CTNNA3: variants seen among roughly 807,000 people sequenced by gnomAD.
CTNNA3 encodes the protein catenin alpha 3.
A neutral mutation model predicts 95.7 loss-of-function variants in CTNNA3; 76 were observed. That is an observed-to-expected ratio of 0.79 (90% CI 0.66 to 0.96). CTNNA3 has a LOEUF of 0.96. CTNNA3 is among the 40% of genes least tolerant of loss of function. CTNNA3 has a pLI of 0.00. For missense variants in CTNNA3, 1,191 were observed against 1,089.8 expected (o/e 1.09, Z -1.31); for synonymous variants, 431 against 374.4 (o/e 1.15, Z -1.74).
intron 7 of CTNNA3, among the ~76,000 whole-genome samples, chr10:67,074,766 T>C (rs139446182): frequency 6.6e-6 from 1 of 150,468 alleles, no homozygotes; most frequent in Admixed American, 6.6e-5. Flanking sequence ...TAAAGACATG[T>C]ATATAAAACC....
At chr10:67,048,526 C>G (rs1165446440) in intron 7 of CTNNA3, among the ~76,000 whole-genome samples, 1 of 151,982 alleles carries the variant, frequency 6.6e-6, no homozygotes, top group Non-Finnish European at 1.5e-5. Flanking sequence ...TAATATACTG[C>G]AAGTTACTAA....
chr10:66,385,091 C>T (rs191655919), intron 11 of CTNNA3, among the ~76,000 whole-genome samples: 359 of 152,226 alleles, frequency 2.4e-3, no homozygotes, highest in African/African-American at 8.3e-3. Flanking sequence ...TAACTAAGAT[C>T]AGAGCAGACC....
chr10:65,982,820 T>C (rs1564557161), intron 16 of CTNNA3, among the ~76,000 whole-genome samples: 1 of 151,348 alleles, frequency 6.6e-6, no homozygotes, highest in Admixed American at 6.6e-5. Flanking sequence ...GTAATACCTT[T>C]AAAATACGCA....
chr10:67,341,442 C>A (rs774104663), intron 5 of CTNNA3, among the ~76,000 whole-genome samples: 1 of 152,126 alleles, frequency 6.6e-6, no homozygotes, highest in Non-Finnish European at 1.5e-5. Context: ...TGAGAACATG[C>A]AATGTTTGTC....
At chr10:66,880,767 T>C (rs1000762763) in intron 7 of CTNNA3, among the ~76,000 whole-genome samples, 6 of 152,128 alleles carry the variant, frequency 3.9e-5, no homozygotes, top group African/African-American at 1.4e-4. Flanking sequence ...ATTCAGAATT[T>C]CTTTTGCTCA....
chr10:67,092,936 T>C (rs929974057), intron 7 of CTNNA3, among the ~76,000 whole-genome samples: 1 of 151,964 alleles, frequency 6.6e-6, no homozygotes, highest in African/African-American at 2.4e-5. Context: ...CAATAGCATA[T>C]AACGATTTTC....
chr10:67,671,590 A>G (rs1207272925), intron 1 of CTNNA3, among the ~76,000 whole-genome samples: 2 of 150,254 alleles, frequency 1.3e-5, no homozygotes, highest in Non-Finnish European at 2.9e-5. Context: ...ATTCCCACCT[A>G]TGAGTGAGAA....
intron 7 of CTNNA3, among the ~76,000 whole-genome samples, chr10:66,934,983 C>G (rs904508693): frequency 1.3e-5 from 2 of 152,028 alleles, no homozygotes; most frequent in Non-Finnish European, 2.9e-5. Context: ...GACAGTGAAG[C>G]TACAGTATCA....
At chr10:67,473,724 A>C (rs921246508) in intron 5 of CTNNA3, among the ~76,000 whole-genome samples, 2 of 152,212 alleles carry the variant, frequency 1.3e-5, no homozygotes, top group Admixed American at 6.5e-5. Flanking sequence ...AACAATTAAA[A>C]ATAATGCAAA....
chr10:67,703,792 A>G (rs537606319), intron 1 of CTNNA3, among the ~76,000 whole-genome samples: 1 of 152,314 alleles, frequency 6.6e-6, no homozygotes, highest in African/African-American at 2.4e-5. Context: ...CAGGCAGGAG[A>G]AGGAAATAAA....
chr10:66,293,779 C>A (rs570221354), intron 12 of CTNNA3, among the ~76,000 whole-genome samples: 2 of 151,396 alleles, frequency 1.3e-5, no homozygotes, highest in Non-Finnish European at 2.9e-5. Context: ...AATTCTCCTG[C>A]GTCAGCCTCC....
intron 9 of CTNNA3, among the ~76,000 whole-genome samples, chr10:66,736,939 C>G (rs1046398633): frequency 1.3e-5 from 2 of 152,086 alleles, no homozygotes; most frequent in African/African-American, 4.8e-5. Context: ...TAAACTTAAT[C>G]TGAATATTTG....
intron 5 of CTNNA3, among the ~76,000 whole-genome samples, chr10:67,237,173 T>TATATATAC (rs1554810783): frequency 2.3e-4 from 26 of 112,806 alleles, no homozygotes; most frequent in Non-Finnish European, 3.8e-4. Context: ...TATATATATA[T>TATATATAC]ACACACACAA....
chr10:67,475,160 CCACA>C (rs1048908696), intron 5 of CTNNA3, among the ~76,000 whole-genome samples: 14 of 152,100 alleles, frequency 9.2e-5, no homozygotes, highest in African/African-American at 3.4e-4. Flanking sequence ...GTGAAAGAAG[CCACA>C]CACAAACAGC....
intron 7 of CTNNA3, among the ~76,000 whole-genome samples, chr10:66,943,522 T>G (rs1848128427): frequency 6.7e-6 from 1 of 148,476 alleles, no homozygotes; most frequent in Non-Finnish European, 1.5e-5. Flanking sequence ...CCCCACCCTT[T>G]TTTTTTTTTT....
chr10:67,620,919 G>GTATA (rs1488628629), intron 2 of CTNNA3, among the ~76,000 whole-genome samples: 40 of 100,130 alleles, frequency 4.0e-4, no homozygotes, highest in African/African-American at 1.7e-3. Flanking sequence ...GTGTGTGTGT[G>GTATA]TGTGTATATA....
Position 67,065,026 on chromosome 10 carries a change from A to G in CTNNA3, c.1047+115291T>C, listed in dbSNP as rs138715188. 5.1e-3 allele frequency among the ~76,000 whole-genome samples: 775 copies of G among 152,268 alleles called. 5 individuals carry two copies. Among genetic ancestry groups the G allele is most frequent in the African/African-American group, 0.018 (733 of 41,546 alleles). On this transcript the variant is annotated intron_variant, in intron 7 of 17. Transcript: ENST00000433211. ...CAGCTTCCATATACCACCAACACTT[A>G]TGGTCCTACATAGCAAGTCCCATAA...
intron 15 of CTNNA3, among the ~76,000 whole-genome samples, chr10:66,026,572 C>A (rs2133443547): frequency 6.6e-6 from 1 of 152,236 alleles, no homozygotes; most frequent in South Asian, 2.1e-4. Flanking sequence ...AAAATATTGG[C>A]ATTCTGCTAG....
chr10:66,161,259 T>TTTG (rs1296144255), intron 13 of CTNNA3, among the ~76,000 whole-genome samples: 1 of 152,268 alleles, frequency 6.6e-6, no homozygotes, highest in East Asian at 1.9e-4. Context: ...TGGTTTTGCT[T>TTTG]TTGTTATTTA....
Sources: allele counts gnomAD v4.1 joint callset (sites outside exome capture counted in the v4.1 genomes callset), GRCh38; gene constraint gnomAD v4.1.1; transcripts MANE v1.5; gene names NCBI Gene and HGNC (gene_info 2026-07-23, HGNC 2026-07-21).